CNTLN: variants seen among roughly 807,000 people sequenced by gnomAD.
The protein encoded by CNTLN is centlein, centrosomal protein.
CNTLN carries 212 observed loss-of-function variants against 180.0 expected under a neutral mutation model. The ratio of observed to expected loss-of-function variants is 1.18; its 90% CI spans 1.05 to 1.32. The LOEUF (loss-of-function observed/expected upper bound fraction) is 1.32. Among genes scored for constraint, CNTLN ranks in the 40% most tolerant of loss-of-function variants. The pLI, the probability that CNTLN is intolerant of heterozygous loss-of-function variation, is 0.00. For missense variants in CNTLN, 2,095 were observed against 1,610.9 expected (o/e 1.30, Z -5.14); for synonymous variants, 722 against 563.1 (o/e 1.28, Z -3.99).
intron 7 of CNTLN, among the ~76,000 whole-genome samples, chr9:17,302,217 G>A (rs1315693840): frequency 1.8e-5 from 2 of 110,468 alleles, no homozygotes; most frequent in Admixed American, 9.1e-5. Flanking sequence ...TTTTTTTTTT[G>A]ACAGTGTCTC....
chr9:17,523,201 G>T, the CNTLN span, among the ~76,000 whole-genome samples: 1 of 152,102 alleles, frequency 6.6e-6, no homozygotes, highest in Non-Finnish European at 1.5e-5. Flanking sequence ...CCTAGAACGT[G>T]AACAGGGGTT....
intron 2 of CNTLN, among the ~76,000 whole-genome samples, chr9:17,217,535 AGCACAGGCAG>A (rs1211099800): frequency 6.6e-6 from 1 of 152,254 alleles, no homozygotes; most frequent in Admixed American, 6.5e-5. Flanking sequence ...CACTTTATTC[AGCACAGGCAG>A]GCATCATTTA....
intron 19 of CNTLN, among the ~76,000 whole-genome samples, chr9:17,461,150 CAT>C (rs1831424054): frequency 6.6e-6 from 1 of 151,234 alleles, no homozygotes; most frequent in Non-Finnish European, 1.5e-5. Context: ...ATTAGTATAT[CAT>C]ATATAATTTA....
chr9:17,262,740 A>G (rs575848792), intron 5 of CNTLN, among the ~76,000 whole-genome samples: 1 of 151,606 alleles, frequency 6.6e-6, no homozygotes, highest in South Asian at 2.1e-4. Context: ...CTTAAAAAAA[A>G]TAAAATAAAG....
intron 12 of CNTLN, among the ~76,000 whole-genome samples, chr9:17,349,946 T>C (rs1350422435): frequency 6.6e-6 from 1 of 152,192 alleles, no homozygotes. Context: ...GCTAGTTAGG[T>C]GAAACCACTC....
chr9:17,139,651 C>T (rs1016066308), intron 1 of CNTLN, among the ~76,000 whole-genome samples: 1 of 150,344 alleles, frequency 6.7e-6, no homozygotes, highest in Non-Finnish European at 1.5e-5. Context: ...CAGAGTGAGA[C>T]TTTGTCTCAA....
chr9:17,220,049 C>T (rs1824028079), intron 2 of CNTLN, among the ~76,000 whole-genome samples: 1 of 152,046 alleles, frequency 6.6e-6, no homozygotes, highest in African/African-American at 2.4e-5. Flanking sequence ...AACCTTCAGT[C>T]CATAGCACCT....
chr9:17,398,269 A>T lies in CNTLN; in HGVS notation c.2615+3200A>T, dbSNP rs1444654334. On this transcript the variant is annotated intron_variant, in intron 15 of 25. Transcript: ENST00000380647. Reference sequence around the variant, plus strand: ...AAGGGGCTCGTTGCCTTATGCTAGAAGTCAATACTATGACACTGGGTTTTT... The same window carrying T: ...AAGGGGCTCGTTGCCTTATGCTAGATGTCAATACTATGACACTGGGTTTTT... Among the ~76,000 whole-genome samples the T allele has an allele frequency of 2.6e-5, 4 of 152,186 alleles. No homozygotes were observed. In the East Asian group the frequency reaches 7.7e-4, roughly 29 times the overall value.
intron 14 of CNTLN, among the ~76,000 whole-genome samples, chr9:17,393,252 C>T (rs959027979): frequency 2.0e-5 from 3 of 152,098 alleles, no homozygotes; most frequent in African/African-American, 7.2e-5. Flanking sequence ...CCTCATCATG[C>T]CATCAAACTA....
intron 12 of CNTLN, among the ~76,000 whole-genome samples, chr9:17,342,810 A>G (rs1265085364): frequency 6.6e-6 from 1 of 152,126 alleles, no homozygotes; most frequent in Non-Finnish European, 1.5e-5. Flanking sequence ...GATCTCCTAG[A>G]TACATACGCA....
In CNTLN at chr9:17,135,499, C is replaced by G. The variant is rs1399201796; in HGVS notation, c.360+74C>G. Reference sequence around the variant, plus strand: ...GACCCGTGGGGAGGCGCGCCTTTCTCCCTCTGCCTTGGGACCTACCCCGCC... The same window carrying G: ...GACCCGTGGGGAGGCGCGCCTTTCTGCCTCTGCCTTGGGACCTACCCCGCC... On this transcript the variant is annotated intron_variant, in intron 1 of 25. Transcript: ENST00000380647. 5.3e-6 allele frequency: 8 copies of G among 1,502,586 alleles called. No homozygotes were observed. In the African/African-American group the frequency reaches 5.5e-5, roughly 10 times the overall value. 93.1% of individuals were successfully genotyped at this position (1,502,586 alleles called of 1,614,324 possible).
intron 5 of CNTLN, among the ~76,000 whole-genome samples, chr9:17,255,663 G>T (rs1587356515): frequency 6.6e-6 from 1 of 151,838 alleles, no homozygotes; most frequent in East Asian, 1.9e-4. Context: ...GTATCAGGAT[G>T]ATGCTCTCCT....
At chr9:17,526,846 C>A in the CNTLN span, among the ~76,000 whole-genome samples, 1 of 151,034 alleles carries the variant, frequency 6.6e-6, no homozygotes, top group African/African-American at 2.5e-5. Flanking sequence ...GTCACCTAAT[C>A]TCTCTTTTTT....
At chr9:17,445,489 T>TA (rs1830351919) in intron 18 of CNTLN, among the ~76,000 whole-genome samples, 1 of 152,178 alleles carries the variant, frequency 6.6e-6, no homozygotes, top group South Asian at 2.1e-4. Context: ...TCTATAACCT[T>TA]ACCCCCAACC....
chr9:17,370,133 A>C lies in CNTLN; in HGVS notation c.1987+3416A>C, dbSNP rs187913141. 1.4e-4 allele frequency among the ~76,000 whole-genome samples: 22 copies of C among 152,332 alleles called. No individual in the cohort carries two copies. In the East Asian group the frequency reaches 4.2e-3, roughly 29 times the overall value. On this transcript the variant is annotated intron_variant, in intron 13 of 25. Transcript: ENST00000380647. ...AGTTAGTGAAAAAGACAGGAGTACA[A>C]AGTTTATTCAAAGGGAAAATAACAG... is the stretch of plus-strand genomic sequence containing the variant.
intron 3 of CNTLN, among the ~76,000 whole-genome samples, chr9:17,228,553 A>G (rs778864796): frequency 2.0e-4 from 30 of 152,032 alleles, no homozygotes; most frequent in Non-Finnish European, 3.1e-4. Flanking sequence ...CGCTTTTTAA[A>G]TCTCTTTGAT....
At chr9:17,240,961 C>A (rs545990657) in intron 5 of CNTLN, among the ~76,000 whole-genome samples, 2 of 152,230 alleles carry the variant, frequency 1.3e-5, no homozygotes, top group South Asian at 4.1e-4. Flanking sequence ...CGGGTTCATG[C>A]CATTCTCCTG....
intron 24 of CNTLN, among the ~76,000 whole-genome samples, chr9:17,486,556 A>G (rs907662415): frequency 6.6e-6 from 1 of 152,100 alleles, no homozygotes; most frequent in Non-Finnish European, 1.5e-5. Flanking sequence ...GAGTCATGCC[A>G]TGTTCTATTC....
intron 18 of CNTLN, among the ~76,000 whole-genome samples, chr9:17,424,824 C>G (rs527431750): frequency 5.9e-5 from 9 of 152,264 alleles, no homozygotes; most frequent in Non-Finnish European, 1.0e-4. Context: ...ATGCTCTCTG[C>G]CATGTCATGA....
Sources: allele counts gnomAD v4.1 joint callset (sites outside exome capture counted in the v4.1 genomes callset), GRCh38; gene constraint gnomAD v4.1.1; transcripts MANE v1.5; gene names NCBI Gene and HGNC (gene_info 2026-07-23, HGNC 2026-07-21).